Variants in LRRC49 observed in about 807,000 individuals in gnomAD.
LRRC49 encodes leucine rich repeat containing 49, also known as leucine-rich repeat-containing protein 49.
A neutral mutation model predicts 83.3 loss-of-function variants in LRRC49; 50 were observed. The ratio of observed to expected loss-of-function variants is 0.60; its 90% CI spans 0.48 to 0.76. LRRC49 has a LOEUF of 0.76. LRRC49 is among the 30% of genes least tolerant of loss of function. The pLI is 0.00. For synonymous variants in LRRC49, 286 were observed against 283.3 expected, an observed-to-expected ratio of 1.01 and a Z score of -0.10; for missense variants, 704 against 809.1, an observed-to-expected ratio of 0.87 and a Z score of 1.58.
intron 4 of LRRC49, among the ~76,000 whole-genome samples, chr15:70,901,717 C>G (rs1481252966): frequency 6.6e-6 from 1 of 152,188 alleles, no homozygotes; most frequent in Non-Finnish European, 1.5e-5. Context: ...TAGTGTCTGT[C>G]TCCTACTAGA....
chr15:70,859,761 A>G (rs1436867095), intron 1 of LRRC49: 4 of 726,434 alleles, frequency 5.5e-6, no homozygotes, highest in Non-Finnish European at 7.8e-6. Flanking sequence ...AAGGATGCCA[A>G]CGCCAAGCTG....
rs1479252102 is a variant in LRRC49, at chr15:70,892,964, CTCTT to C, written c.48+27_48+30del. On this transcript the variant is annotated intron_variant, in intron 1 of 15. Coordinates refer to ENST00000260382, the MANE Select transcript of LRRC49 (RefSeq NM_017691.5). ...CAACGTAAGTTGGGCCTTCTACTTTCTCTTTCTTCCCACTGGTACTCTTTCTGAC... is the reference window on the plus strand; with the variant it reads ...CAACGTAAGTTGGGCCTTCTACTTTCTCTTCCCACTGGTACTCTTTCTGAC... 4 of 1,613,696 alleles carry C rather than the reference CTCTT, an allele frequency of 2.5e-6. No individual in the cohort carries two copies. The Admixed American group carries it at 6.7e-5, about 27-fold the overall frequency.
chr15:71,034,051 A>G (rs2039442745), intron 14 of LRRC49, among the ~76,000 whole-genome samples: 1 of 152,190 alleles, frequency 6.6e-6, no homozygotes, highest in South Asian at 2.1e-4. Flanking sequence ...TAAACAAACT[A>G]AAGAGCTTCT....
intron 9 of LRRC49, among the ~76,000 whole-genome samples, chr15:70,972,312 C>A (rs1422270386): frequency 6.6e-6 from 1 of 152,150 alleles, no homozygotes; most frequent in African/African-American, 2.4e-5. Flanking sequence ...AATATTGGCC[C>A]CCACTCTCTT....
rs955704859 is a variant in LRRC49, at chr15:71,031,382, G to A, written c.1704-5797G>A. 3.3e-5 allele frequency among the ~76,000 whole-genome samples: 5 copies of A among 152,202 alleles called. No homozygotes were observed. The South Asian group carries it at 1.0e-3, about 31-fold the overall frequency. ...TTCCTCTGGAAGCTTCGTCCCAGAGGGGCATTGGCCTGATGCCAGCCAGCA... is the reference window on the plus strand; with the variant it reads ...TTCCTCTGGAAGCTTCGTCCCAGAGAGGCATTGGCCTGATGCCAGCCAGCA... On this transcript the variant is annotated intron_variant, in intron 14 of 15. Coordinates refer to ENST00000260382, the MANE Select transcript of LRRC49 (RefSeq NM_017691.5).
rs561823515 is a variant in LRRC49, at chr15:70,980,084, C to T, written c.922-17C>T. 12 of 1,558,118 alleles carry T rather than the reference C, an allele frequency of 7.7e-6. No homozygotes were observed. The highest frequency in any genetic ancestry group is 5.7e-5 in the South Asian group (5 of 87,758). On this transcript the variant is annotated splice_polypyrimidine_tract_variant and intron_variant, in intron 9 of 15. Coordinates refer to ENST00000260382, the MANE Select transcript of LRRC49 (RefSeq NM_017691.5). ...TGGTTAAACTCTTCATAATACTTTT[C>T]GGAAAATGTCTTTTAGGAAGAAGAA...
chr15:71,021,964 G>A (rs1035816898), intron 14 of LRRC49, among the ~76,000 whole-genome samples: 12 of 152,286 alleles, frequency 7.9e-5, no homozygotes, highest in East Asian at 1.9e-4. Context: ...TAGGCCTTAC[G>A]TAATTGTAAA....
intron 11 of LRRC49, among the ~76,000 whole-genome samples, chr15:71,000,002 A>G (rs1303444022): frequency 6.6e-6 from 1 of 152,166 alleles, no homozygotes. Context: ...TATGGTCTGC[A>G]TTGCTTCCTC....
intron 5 of LRRC49, among the ~76,000 whole-genome samples, chr15:70,909,341 G>A (rs2034451627): frequency 6.6e-6 from 1 of 152,162 alleles, no homozygotes. Flanking sequence ...CAAGCACTCT[G>A]GGTGATTCTG....
chr15:70,976,871 AATT>A (rs2037225322), intron 9 of LRRC49, among the ~76,000 whole-genome samples: 1 of 152,162 alleles, frequency 6.6e-6, no homozygotes. Context: ...GTTACTCTGT[AATT>A]ATTTGGGCTG....
intron 10 of LRRC49, among the ~76,000 whole-genome samples, chr15:70,983,204 T>A (rs1206244072): frequency 6.6e-6 from 1 of 152,168 alleles, no homozygotes; most frequent in Non-Finnish European, 1.5e-5. Context: ...ATAAATTGAA[T>A]AGAAACGTTT....
At chr15:70,942,753 T>C (rs2035865455) in intron 8 of LRRC49, among the ~76,000 whole-genome samples, 1 of 152,066 alleles carries the variant, frequency 6.6e-6, no homozygotes, top group Non-Finnish European at 1.5e-5. Context: ...GAGACATCAA[T>C]CAAATACATT....
chr15:70,854,428 G>T (rs1310779888), intron 1 of LRRC49, among the ~76,000 whole-genome samples: 2 of 152,184 alleles, frequency 1.3e-5, no homozygotes, highest in Admixed American at 6.5e-5. Context: ...CCGAGAGGAG[G>T]TGTCAGGGCT....
intron 14 of LRRC49, among the ~76,000 whole-genome samples, chr15:71,026,576 A>T (rs1596155587): frequency 6.6e-6 from 1 of 151,180 alleles, no homozygotes; most frequent in Non-Finnish European, 1.5e-5. Context: ...ACAGAGCAAG[A>T]CCCTATTTCT....
chr15:70,942,031 T>TTGTGTG (rs1283134274), intron 8 of LRRC49, among the ~76,000 whole-genome samples: 4 of 82,052 alleles, frequency 4.9e-5, no homozygotes, highest in African/African-American at 2.1e-4. Context: ...ACTGTAAAGG[T>TTGTGTG]TATGTGTGTG....
intron 11 of LRRC49, among the ~76,000 whole-genome samples, chr15:71,003,356 A>G (rs528966852): frequency 2.1e-4 from 32 of 152,322 alleles, no homozygotes; most frequent in Admixed American, 2.6e-4. Context: ...TATATAATTA[A>G]TATTTCAGTT....
intron 14 of LRRC49, among the ~76,000 whole-genome samples, chr15:71,034,634 C>A (rs2039463019): frequency 6.6e-6 from 1 of 152,150 alleles, no homozygotes; most frequent in Non-Finnish European, 1.5e-5. Context: ...AACCCAAATG[C>A]CCATCAGTGA....
At chr15:70,898,886 A>C (rs544736197) in intron 3 of LRRC49, among the ~76,000 whole-genome samples, 1 of 152,236 alleles carries the variant, frequency 6.6e-6, no homozygotes, top group South Asian at 2.1e-4. Context: ...ATATACCCAC[A>C]TATATATGTG....
chr15:70,864,070 G>A (rs927207655), intron 1 of LRRC49, among the ~76,000 whole-genome samples: 1 of 152,150 alleles, frequency 6.6e-6, no homozygotes, highest in African/African-American at 2.4e-5. Context: ...GGCAGTAAAG[G>A]AGGGACAACA....
Sources: allele counts gnomAD v4.1 joint callset (sites outside exome capture counted in the v4.1 genomes callset), GRCh38; gene constraint gnomAD v4.1.1; transcripts MANE v1.5; gene names NCBI Gene and HGNC (gene_info 2026-07-23, HGNC 2026-07-21).